ADGRG2: variants seen among roughly 807,000 people sequenced by gnomAD.
ADGRG2 encodes the protein G protein-coupled receptor 64.
Under a neutral mutation model 74.1 loss-of-function variants are expected in ADGRG2, and 26 were observed. The observed-to-expected ratio is 0.35, with a 90% CI of 0.26 to 0.49. ADGRG2 has a LOEUF of 0.49. Among genes scored for constraint, ADGRG2 ranks in the 20% least tolerant of loss-of-function variants. The pLI is 0.99. For missense variants in ADGRG2, 619 were observed against 763.1 expected (o/e 0.81, Z 2.22); for synonymous variants, 296 against 295.2 (o/e 1.00, Z -0.03).
intron 1 of ADGRG2, among the ~76,000 whole-genome samples, chrX:19,104,405 C>T (rs780016493): frequency 9.0e-6 from 1 of 111,590 alleles, no homozygotes; most frequent in African/African-American, 3.3e-5. Context: ...GATCCCAAAA[C>T]AGCCCGGGAA....
intron 1 of ADGRG2, among the ~76,000 whole-genome samples, chrX:19,115,270 G>A (rs760212965): frequency 1.8e-5 from 2 of 111,223 alleles, no homozygotes; most frequent in South Asian, 7.7e-4. Context: ...CACCTACTAC[G>A]TCCCACTGTT....
chrX:19,091,565 T>C (rs992713157), intron 1 of ADGRG2, among the ~76,000 whole-genome samples: 21 of 108,977 alleles, frequency 1.9e-4, no homozygotes, highest in African/African-American at 6.4e-4. Flanking sequence ...TAATGGGTAT[T>C]AGAGTTCAGA....
At chrX:19,070,596 G>A (rs2061638587) in intron 2 of ADGRG2, among the ~76,000 whole-genome samples, 2 of 111,926 alleles carry the variant, frequency 1.8e-5, no homozygotes, top group Admixed American at 1.9e-4. Flanking sequence ...AGGGGGTGGC[G>A]AGAGCCAACT....
At chrX:19,025,482 A>G (rs867255912) in intron 11 of ADGRG2, among the ~76,000 whole-genome samples, 1 of 111,653 alleles carries the variant, frequency 9.0e-6, no homozygotes, top group Non-Finnish European at 1.9e-5. Flanking sequence ...CCGAGCACAA[A>G]GTAGGTGTTC....
At position 18,999,051 on chromosome X, in the gene ADGRG2, C is replaced by G; in HGVS notation, c.2559G>C (p.Trp853Cys). 8.3e-7 allele frequency: 1 copy of G among 1,208,697 alleles called. No homozygotes were observed. The highest frequency in any genetic ancestry group is 1.1e-6 in the Non-Finnish European group (1 of 892,835). The change falls in exon 26 of 29, where the codon TGG becomes TGC. Residue 853 changes from tryptophan (W) to cysteine (C), a missense_variant. By Grantham distance (215) the Trp-to-Cys change is radical. Coordinates refer to ENST00000379869, the MANE Select transcript of ADGRG2 (RefSeq NM_001079858.3). ...GITWGFAFFA[W>C]GPVNVTFMYL... ...ACATGAAGGTCACGTTAACTGGTCC[C>G]CAGGCAAAGAAGGCAAAGCCCCAAG...
At chrX:19,012,031 A>G (rs2060367200) in intron 16 of ADGRG2, among the ~76,000 whole-genome samples, 2 of 112,098 alleles carry the variant, frequency 1.8e-5, no homozygotes, top group African/African-American at 3.2e-5. Flanking sequence ...TGTTATAAAC[A>G]TGGTGTGCAA....
At chrX:19,100,597 G>A (rs146011137) in intron 1 of ADGRG2, among the ~76,000 whole-genome samples, 85 of 113,326 alleles carry the variant, frequency 7.5e-4, no homozygotes, top group African/African-American at 2.4e-3. Flanking sequence ...CTAACTGACC[G>A]TGTATTTTAC....
intron 1 of ADGRG2, among the ~76,000 whole-genome samples, chrX:19,103,400 T>C (rs2062223535): frequency 1.8e-5 from 2 of 112,020 alleles, no homozygotes; most frequent in Admixed American, 1.9e-4. Flanking sequence ...GTTTAGCATA[T>C]AATCAAGAAA....
chrX:19,122,181 T>C lies in ADGRG2; in HGVS notation c.-47+261A>G, dbSNP rs768816892. Among the ~76,000 whole-genome samples the C allele has an allele frequency of 4.8e-3, 543 of 112,479 alleles. 4 individuals carry two copies. The highest frequency in any genetic ancestry group is 0.016 in the African/African-American group (508 of 31,149). Reference sequence around the variant, plus strand: ...GAGACGCGCGTCTCCCCTTGGAGCCTCCTTTCCCACGGCGCGCGGGCTCCC... The same window carrying C: ...GAGACGCGCGTCTCCCCTTGGAGCCCCCTTTCCCACGGCGCGCGGGCTCCC... On this transcript the variant is annotated intron_variant, in intron 1 of 28. Transcript: ENST00000379869.
At chrX:18,991,098 T>A (rs751734017) in intron 28 of ADGRG2, 50 bp from the exon 29 acceptor site, 1 of 763,780 alleles carries the variant, frequency 1.3e-6, no homozygotes, top group African/African-American at 2.1e-5. Flanking sequence ...ACAGAAAGCA[T>A]TAAAAAGCAA....
chrX:19,015,101 C>T (rs1271924954), intron 15 of ADGRG2, among the ~76,000 whole-genome samples: 2 of 111,639 alleles, frequency 1.8e-5, no homozygotes, highest in African/African-American at 6.5e-5. Flanking sequence ...CAAGATCCAT[C>T]AGTCTTGAGA....
intron 1 of ADGRG2, among the ~76,000 whole-genome samples, chrX:19,084,037 G>C (rs187358777): frequency 4.9e-4 from 55 of 111,696 alleles, no homozygotes; most frequent in Non-Finnish European, 8.8e-4. Flanking sequence ...CAATAGCAAA[G>C]ACATGGAATC....
intron 1 of ADGRG2, among the ~76,000 whole-genome samples, chrX:19,111,482 G>A (rs1020486787): frequency 5.4e-5 from 6 of 111,469 alleles, no homozygotes; most frequent in Middle Eastern, 4.2e-3. Flanking sequence ...CCAAGAGAGC[G>A]TAGGATACTG....
chrX:19,098,138 T>C (rs991666387), intron 1 of ADGRG2, among the ~76,000 whole-genome samples: 6 of 112,221 alleles, frequency 5.3e-5, no homozygotes, highest in Non-Finnish European at 1.1e-4. Flanking sequence ...TGAGGGAACA[T>C]GCCTTTTCAC....
At chrX:19,009,484 T>G (rs2060306628) in intron 18 of ADGRG2, 142 bp downstream of exon 18, 3 of 560,058 alleles carry the variant, frequency 5.4e-6, no homozygotes, top group Middle Eastern at 5.6e-4. Context: ...GGCTTGATTC[T>G]ATGGTGCCTC....
intron 11 of ADGRG2, 50 bp from the exon 12 acceptor site, chrX:19,023,998 A>G (rs769701011): frequency 1.1e-6 from 1 of 895,157 alleles, no homozygotes; most frequent in Admixed American, 2.2e-5. Context: ...TAGTGATATT[A>G]AATTGAAAAC....
intron 15 of ADGRG2, among the ~76,000 whole-genome samples, chrX:19,019,267 C>T (rs1404945548): frequency 8.9e-6 from 1 of 112,221 alleles, no homozygotes; most frequent in African/African-American, 3.2e-5. Flanking sequence ...CAGACTCTGC[C>T]TTAGTAAGGA....
intron 20 of ADGRG2, among the ~76,000 whole-genome samples, 176 bp downstream of exon 20, chrX:19,007,059 T>A (rs1018986483): frequency 2.7e-5 from 3 of 111,530 alleles, no homozygotes; most frequent in African/African-American, 9.8e-5. Flanking sequence ...CCTGCCCTGG[T>A]CAATTATTAA....
At chrX:19,070,982 C>CATTT (rs2061645273) in intron 2 of ADGRG2, among the ~76,000 whole-genome samples, 1 of 111,538 alleles carries the variant, frequency 9.0e-6, no homozygotes, top group Non-Finnish European at 1.9e-5. Flanking sequence ...TTCATTCATT[C>CATTT]ATTCATTCAT....
Sources: gnomAD v4.1 joint callset for allele counts (sites outside exome capture counted in the v4.1 genomes callset) on GRCh38, gnomAD v4.1.1 for gene constraint, MANE v1.5 for transcripts, NCBI Gene and HGNC (gene_info 2026-07-23, HGNC 2026-07-21) for gene names.